YEATS4: variants seen among roughly 807,000 people sequenced by gnomAD.
YEATS4 encodes YEATS domain-containing protein 4.
In YEATS4, 17 loss-of-function variants were observed where a neutral mutation model predicts 30.1. That is an observed-to-expected ratio of 0.56 (90% confidence interval 0.39 to 0.85). The LOEUF (loss-of-function observed/expected upper bound fraction) is 0.85. YEATS4 is among the 40% of genes least tolerant of loss of function. The probability of loss-of-function intolerance (pLI) is 0.00; values close to 1 mark genes in which losing one functional copy is unlikely to be tolerated. For synonymous variants in YEATS4, 85 were observed against 87.5 expected, an observed-to-expected ratio of 0.97 and a Z score of 0.16; for missense variants, 142 against 268.3, an observed-to-expected ratio of 0.53 and a Z score of 3.29.
At chr12:69,400,711 AG>A in the YEATS4 span, among the ~76,000 whole-genome samples, 4 of 151,440 alleles carry the variant, frequency 2.6e-5, no homozygotes, top group South Asian at 8.3e-4. Flanking sequence ...AAAAAAAAAA[AG>A]GATGTATGAA....
At chr12:69,364,218 C>A (rs1436026932) in intron 2 of YEATS4, 2 of 445,330 alleles carry the variant, frequency 4.5e-6, no homozygotes, top group East Asian at 1.5e-4. Context: ...TATGGGAGGC[C>A]CAAGCGGGAG....
chr12:69,419,170 C>T, the YEATS4 span, among the ~76,000 whole-genome samples: 1 of 148,690 alleles, frequency 6.7e-6, no homozygotes, highest in Non-Finnish European at 1.5e-5. Context: ...TGAATAAATT[C>T]TCCCTATGCT....
At chr12:69,396,016 A>G in the YEATS4 span, among the ~76,000 whole-genome samples, 1 of 152,116 alleles carries the variant, frequency 6.6e-6, no homozygotes, top group African/African-American at 2.4e-5. Context: ...AGATTTCAGT[A>G]ACCTTATGTA....
the YEATS4 span, among the ~76,000 whole-genome samples, chr12:69,404,606 C>A: frequency 1.3e-5 from 2 of 152,184 alleles, no homozygotes; most frequent in African/African-American, 4.8e-5. Flanking sequence ...ATGCCAGTGC[C>A]ATACCCTGGG....
chr12:69,389,077 G>A (rs7968629), intron 6 of YEATS4, among the ~76,000 whole-genome samples: 60,373 of 152,130 alleles, frequency 0.4, 12,359 homozygotes, highest in Non-Finnish European at 0.46. Flanking sequence ...TGGCAGAGCT[G>A]GGATTCAAAT....
At chr12:69,368,110 ATAT>A (rs1365607010) in intron 4 of YEATS4, among the ~76,000 whole-genome samples, 23 of 152,228 alleles carry the variant, frequency 1.5e-4, no homozygotes, top group Non-Finnish European at 1.2e-4. Flanking sequence ...TCTCTAAAAA[ATAT>A]TATAGGGTTT....
intron 2 of YEATS4, 74 bp downstream of exon 2, chr12:69,362,981 A>T (rs569731948): frequency 1.9e-5 from 6 of 313,212 alleles, no homozygotes; most frequent in Admixed American, 1.2e-4. Context: ...GACAACCTGT[A>T]GTTTTTTTTT....
intron 4 of YEATS4, among the ~76,000 whole-genome samples, chr12:69,368,742 G>T (rs1875530039): frequency 6.6e-6 from 1 of 152,118 alleles, no homozygotes; most frequent in Non-Finnish European, 1.5e-5. Flanking sequence ...AGCCCCAGAT[G>T]TTCCTTGGCT....
At position 69,377,721 on chromosome 12, in the gene YEATS4, T is replaced by TAA. The variant is rs34542388; in HGVS notation, c.514+6754_514+6755dup. Among the ~76,000 whole-genome samples, 1,000 of 151,862 alleles carry TAA rather than the reference T, an allele frequency of 6.6e-3. 19 individuals carry two copies. Among genetic ancestry groups the TAA allele is most frequent in the Admixed American group, 0.041 (627 of 15,262 alleles). On this transcript the variant is annotated intron_variant, in intron 6 of 6. Coordinates refer to ENST00000247843, the MANE Select transcript of YEATS4 (RefSeq NM_006530.4). ...AGATACTTCACATTACTTGCTTTTT[T>TAA]AAAAAAAAATGTTTTATGACTTGTT...
the YEATS4 span, among the ~76,000 whole-genome samples, chr12:69,420,184 A>G: frequency 6.6e-6 from 1 of 152,248 alleles, no homozygotes; most frequent in African/African-American, 2.4e-5. Flanking sequence ...AGAGAGCAGG[A>G]GAAAGACATT....
intron 6 of YEATS4, among the ~76,000 whole-genome samples, chr12:69,374,967 G>GC (rs1245331086): frequency 4.0e-5 from 6 of 150,044 alleles, no homozygotes; most frequent in Middle Eastern, 3.2e-3. Flanking sequence ...GGGCAGGGGC[G>GC]CCCCCCACCT....
chr12:69,399,564 T>C, the YEATS4 span, among the ~76,000 whole-genome samples: 2 of 152,190 alleles, frequency 1.3e-5, no homozygotes, highest in Non-Finnish European at 2.9e-5. Flanking sequence ...AAGATGCAAC[T>C]GCTGTAGAAA....
the YEATS4 span, among the ~76,000 whole-genome samples, chr12:69,426,737 T>C: frequency 1.3e-5 from 2 of 152,220 alleles, no homozygotes; most frequent in African/African-American, 4.8e-5. Context: ...AACATTCTAT[T>C]TGTTTAAGGA....
intron 6 of YEATS4, among the ~76,000 whole-genome samples, chr12:69,377,721 TA>T (rs34542388): frequency 6.6e-5 from 10 of 151,862 alleles, no homozygotes; most frequent in African/African-American, 2.2e-4. Context: ...CTTGCTTTTT[TA>T]AAAAAAAATG....
At chr12:69,409,629 G>A in the YEATS4 span, among the ~76,000 whole-genome samples, 1 of 149,100 alleles carries the variant, frequency 6.7e-6, no homozygotes, top group Non-Finnish European at 1.5e-5. Context: ...AAAAAAAAAA[G>A]ATATATATAT....
At chr12:69,392,089 CAG>C (rs1868320503), downstream of YEATS4, among the ~76,000 whole-genome samples, 1 of 152,056 alleles carries the variant, frequency 6.6e-6, no homozygotes, top group African/African-American at 2.4e-5. Flanking sequence ...AGGATTTGAA[CAG>C]AGATTTCTCC....
the YEATS4 span, among the ~76,000 whole-genome samples, chr12:69,412,993 A>G: frequency 1.3e-5 from 2 of 152,196 alleles, no homozygotes; most frequent in Non-Finnish European, 2.9e-5. Flanking sequence ...AAAGCAGGAC[A>G]TTGGAAAGAC....
At chr12:69,394,779 T>C (rs930497068), downstream of YEATS4, among the ~76,000 whole-genome samples, 1 of 152,120 alleles carries the variant, frequency 6.6e-6, no homozygotes, top group African/African-American at 2.4e-5. Context: ...TTTGTATATT[T>C]TGTAGAATTT....
At chr12:69,393,252 G>T (rs1479481150), downstream of YEATS4, among the ~76,000 whole-genome samples, 2 of 152,080 alleles carry the variant, frequency 1.3e-5, no homozygotes, top group African/African-American at 4.8e-5. Flanking sequence ...ACTAGCCTAG[G>T]TCACATAGTG....
Sources: allele counts gnomAD v4.1 joint callset (sites outside exome capture counted in the v4.1 genomes callset), GRCh38; gene constraint gnomAD v4.1.1; transcripts MANE v1.5; gene names NCBI Gene and HGNC (gene_info 2026-07-23, HGNC 2026-07-21).